Variants in MGAT4C observed in about 807,000 individuals in gnomAD.
MGAT4C encodes the protein alpha-1,3-mannosyl-glycoprotein 4-beta-N-acetylglucosaminyltransferase C.
A neutral mutation model predicts 40.1 loss-of-function variants in MGAT4C; 19 were observed. The ratio of observed to expected loss-of-function variants is 0.47; its 90% confidence interval spans 0.33 to 0.70. The LOEUF (loss-of-function observed/expected upper bound fraction) is 0.70, where lower values mean the gene tolerates loss of function less well. Among genes scored for constraint, MGAT4C ranks in the 30% least tolerant of loss-of-function variants. The pLI is 0.02. For synonymous variants in MGAT4C, 181 were observed against 187.1 expected (o/e 0.97, Z 0.27); for missense variants, 491 against 563.2 (o/e 0.87, Z 1.30).
In MGAT4C at chr12:86,317,959, T is replaced by C. The variant is rs1300924874; in HGVS notation, c.-57+16106A>G. On this transcript the variant is annotated intron_variant, in intron 4 of 7. Transcript: ENST00000548651. ...TCATAGTTATCCTTTTCCTTCTCCA[T>C]GTTTATCTTATGTTAAAAGAATTCA... 2.6e-5 allele frequency among the ~76,000 whole-genome samples: 4 copies of C among 151,964 alleles called. No homozygotes were observed. In the South Asian group the frequency reaches 8.3e-4, roughly 32 times the overall value.
chr12:86,467,563 CTTTT>C (rs1257293793), intron 2 of MGAT4C, among the ~76,000 whole-genome samples: 5 of 151,910 alleles, frequency 3.3e-5, no homozygotes, highest in Admixed American at 6.6e-5. Flanking sequence ...TCAGGAGTTG[CTTTT>C]TTTATGTGTT....
At chr12:86,392,256 G>C (rs1242740516) in intron 3 of MGAT4C, among the ~76,000 whole-genome samples, 3 of 152,082 alleles carry the variant, frequency 2.0e-5, no homozygotes, top group Non-Finnish European at 4.4e-5. Flanking sequence ...CGGATCACCT[G>C]AGGTCAGGAG....
At chr12:86,111,469 C>T (rs1295104554) in intron 1 of MGAT4C, among the ~76,000 whole-genome samples, 1 of 151,768 alleles carries the variant, frequency 6.6e-6, no homozygotes, top group Non-Finnish European at 1.5e-5. Context: ...ATTCAGATTT[C>T]ATTTCTCAGT....
Position 86,049,952 on chromosome 12 carries a change from T to A in MGAT4C, c.-56-229A>T, listed in dbSNP as rs188776929. ...AGACATACCTTTGTATTAAGTTAAATTTTTCATTTAAAGTATCAAATTAAA... is the reference window on the plus strand; with the variant it reads ...AGACATACCTTTGTATTAAGTTAAAATTTTCATTTAAAGTATCAAATTAAA... On this transcript the variant is annotated intron_variant, in intron 1 of 4. Transcript: ENST00000611864. Among the ~76,000 whole-genome samples, 410 of 152,076 alleles carry A rather than the reference T, an allele frequency of 2.7e-3. 3 individuals carry two copies. The highest frequency in any genetic ancestry group is 0.01 in the Middle Eastern group (3 of 294).
intron 1 of MGAT4C, among the ~76,000 whole-genome samples, chr12:86,102,082 C>A (rs839094): frequency 6.6e-6 from 1 of 151,788 alleles, no homozygotes; most frequent in African/African-American, 2.4e-5. Flanking sequence ...TAATGTCTTT[C>A]ATATCTTATT....
chr12:86,455,415 T>C (rs1957492767), intron 2 of MGAT4C, among the ~76,000 whole-genome samples: 1 of 152,158 alleles, frequency 6.6e-6, no homozygotes, highest in Non-Finnish European at 1.5e-5. Context: ...TATGTCCTTG[T>C]TAAAACAGGA....
intron 2 of MGAT4C, among the ~76,000 whole-genome samples, chr12:86,520,689 C>T (rs1426998751): frequency 6.6e-6 from 1 of 152,114 alleles, no homozygotes; most frequent in Non-Finnish European, 1.5e-5. Flanking sequence ...TTTATATTCC[C>T]ATCAACAGTG....
intron 2 of MGAT4C, among the ~76,000 whole-genome samples, chr12:86,003,546 G>A (rs563488949): frequency 2.0e-5 from 3 of 152,246 alleles, no homozygotes; most frequent in African/African-American, 7.2e-5. Context: ...ACATGATGAT[G>A]TTAACTGTAA....
intron 2 of MGAT4C, among the ~76,000 whole-genome samples, chr12:86,026,058 G>T (rs1408973761): frequency 6.6e-6 from 1 of 151,760 alleles, no homozygotes; most frequent in Non-Finnish European, 1.5e-5. Context: ...TGTGTCACCT[G>T]TCCTGAAATT....
At chr12:86,032,268 A>G (rs748585108) in intron 2 of MGAT4C, among the ~76,000 whole-genome samples, 1 of 152,008 alleles carries the variant, frequency 6.6e-6, no homozygotes, top group Admixed American at 6.6e-5. Context: ...TCCTTTGAGT[A>G]TATACCAAAT....
intron 3 of MGAT4C, among the ~76,000 whole-genome samples, chr12:86,384,099 A>G (rs748015754): frequency 1.3e-5 from 2 of 152,184 alleles, no homozygotes; most frequent in Non-Finnish European, 2.9e-5. Context: ...GCCATGTGAG[A>G]CGTGTCTTTT....
chr12:86,537,573 C>A (rs530213483), intron 2 of MGAT4C, among the ~76,000 whole-genome samples: 1 of 151,888 alleles, frequency 6.6e-6, no homozygotes, highest in South Asian at 2.1e-4. Flanking sequence ...TTTTGCATGC[C>A]CTGTGCGGTC....
intron 2 of MGAT4C, among the ~76,000 whole-genome samples, chr12:86,522,371 G>T (rs1328876083): frequency 6.6e-6 from 1 of 151,994 alleles, no homozygotes; most frequent in African/African-American, 2.4e-5. Context: ...ATGTGATTTT[G>T]TCTTTAGTTC....
intron 2 of MGAT4C, among the ~76,000 whole-genome samples, chr12:86,476,414 A>G (rs1957836345): frequency 6.6e-6 from 1 of 152,110 alleles, no homozygotes; most frequent in Non-Finnish European, 1.5e-5. Flanking sequence ...TTACTATTAG[A>G]AAATAAAAAA....
chr12:86,438,541 T>A (rs890035251), intron 2 of MGAT4C, among the ~76,000 whole-genome samples: 3 of 151,908 alleles, frequency 2.0e-5, no homozygotes, highest in African/African-American at 7.2e-5. Flanking sequence ...GAAGATGGCA[T>A]CCCTATAAAA....
chr12:86,752,476 G>A (rs140891678), intron 1 of MGAT4C, among the ~76,000 whole-genome samples: 2 of 151,982 alleles, frequency 1.3e-5, no homozygotes, highest in East Asian at 1.9e-4. Context: ...GCTATTTTAG[G>A]TCTTTTAGAT....
intron 2 of MGAT4C, among the ~76,000 whole-genome samples, chr12:86,610,821 C>T (rs913164165): frequency 4.2e-5 from 6 of 143,020 alleles, no homozygotes; most frequent in East Asian, 2.2e-4. Context: ...AAATGAGAGA[C>T]GGGAAAGTAG....
At chr12:86,301,336 TTGAGTA>T (rs746661315) in intron 4 of MGAT4C, among the ~76,000 whole-genome samples, 16 of 152,216 alleles carry the variant, frequency 1.1e-4, no homozygotes, top group Non-Finnish European at 1.8e-4. Context: ...AACTTCACTC[TTGAGTA>T]TAATAAATAA....
At chr12:86,675,371 T>C (rs1356733005) in intron 2 of MGAT4C, among the ~76,000 whole-genome samples, 2 of 152,204 alleles carry the variant, frequency 1.3e-5, no homozygotes, top group African/African-American at 4.8e-5. Flanking sequence ...CATTTTCACA[T>C]CCTGTGGTGA....
Sources: allele counts gnomAD v4.1 joint callset (sites outside exome capture counted in the v4.1 genomes callset), GRCh38; gene constraint gnomAD v4.1.1; transcripts MANE v1.5; gene names NCBI Gene and HGNC (gene_info 2026-07-23, HGNC 2026-07-21).